The following LHPP variants were observed in gnomAD, a reference collection of about 807,000 sequenced individuals.
LHPP encodes the protein hLHPP.
In LHPP, 24 loss-of-function variants were observed where a neutral mutation model predicts 30.3. The ratio of observed to expected loss-of-function variants is 0.79; its 90% CI spans 0.57 to 1.11. The LOEUF is 1.11. Among genes scored for constraint, LHPP ranks in the 50% most tolerant of loss-of-function variants. The pLI is 0.00. For synonymous variants in LHPP, 150 were observed against 157.1 expected (o/e 0.95, Z 0.34); for missense variants, 356 against 367.2 (o/e 0.97, Z 0.25).
intron 1 of LHPP, among the ~76,000 whole-genome samples, chr10:124,475,847 C>G (rs555323123): frequency 2.0e-5 from 3 of 152,196 alleles, no homozygotes; most frequent in Non-Finnish European, 4.4e-5. Context: ...CCACATGCCA[C>G]GAGGCATTTC....
At position 124,510,411 on chromosome 10, in the gene LHPP, G is replaced by A. The variant is rs184689136; in HGVS notation, c.625-6769G>A. 2.6e-5 allele frequency among the ~76,000 whole-genome samples: 4 copies of A among 152,062 alleles called. No individual in the cohort carries two copies. Among genetic ancestry groups the A allele is most frequent in the East Asian group, 3.9e-4 (2 of 5,134 alleles). On this transcript the variant is annotated intron_variant, in intron 5 of 6. Transcript: ENST00000368842. The surrounding 1 kb of genome is among the most constrained non-coding windows in gnomAD (Gnocchi z 4.0). ...TGCACCCAGCCGGCCCTGGCGTCCC[G>A]GCCCCCAGCCTCCGCCTCCCTCGCC...
chr10:124,563,316 T>TTTC (rs1463264927), intron 6 of LHPP, among the ~76,000 whole-genome samples: 1 of 150,116 alleles, frequency 6.7e-6, no homozygotes, highest in African/African-American at 2.4e-5. Context: ...TCTTTTTCTT[T>TTTC]TTTTTTTTTT....
chr10:124,536,077 G>A (rs574251569), intron 6 of LHPP, among the ~76,000 whole-genome samples: 50 of 152,384 alleles, frequency 3.3e-4, no homozygotes, highest in African/African-American at 1.0e-3. Context: ...TGTTACAGAC[G>A]CGGAAGCCGG....
intron 6 of LHPP, among the ~76,000 whole-genome samples, chr10:124,528,027 C>G (rs1048734233): frequency 5.5e-5 from 6 of 109,804 alleles, no homozygotes; most frequent in African/African-American, 2.3e-4. Flanking sequence ...CCTTGGCCTC[C>G]CAAAGTGCTG....
chr10:124,572,647 T>TAAGAAAGGCAAGAAAGGA (rs144204647), intron 6 of LHPP, among the ~76,000 whole-genome samples: 45,819 of 146,126 alleles, frequency 0.31, 7,284 homozygotes, highest in South Asian at 0.4. Flanking sequence ...AGAAAGAAAG[T>TAAGAAAGGCAAGAAAGGA]AAGAAAGGAA....
At chr10:124,600,288 T>C (rs1403569867) in intron 6 of LHPP, among the ~76,000 whole-genome samples, 2 of 152,254 alleles carry the variant, frequency 1.3e-5, no homozygotes, top group Non-Finnish European at 2.9e-5. Flanking sequence ...TTTCTGTTAC[T>C]GGCACCTGCA....
At position 124,542,916 on chromosome 10, in the gene LHPP, G is replaced by A. The variant is rs145938085; in HGVS notation, c.716+25645G>A. ...TGCACATCTAGGCCCCGTCACGGTCGTTCTCCCCGGTCCCTGCCTGCCCAT... is the reference window on the plus strand; with the variant it reads ...TGCACATCTAGGCCCCGTCACGGTCATTCTCCCCGGTCCCTGCCTGCCCAT... On this transcript the variant is annotated intron_variant, in intron 6 of 6. Coordinates refer to ENST00000368842, the MANE Select transcript of LHPP (RefSeq NM_022126.4). Among the ~76,000 whole-genome samples, 518 of 152,292 alleles carry A rather than the reference G, an allele frequency of 3.4e-3. 2 individuals carry two copies. Among genetic ancestry groups the A allele is most frequent in the African/African-American group, 0.011 (471 of 41,556 alleles).
intron 6 of LHPP, among the ~76,000 whole-genome samples, chr10:124,598,984 T>C (rs1564847361): frequency 6.9e-6 from 1 of 145,442 alleles, no homozygotes; most frequent in South Asian, 2.2e-4. Flanking sequence ...TCCATCTCCA[T>C]CTATCCATCT....
chr10:124,600,993 C>T (rs1043812334), intron 6 of LHPP, among the ~76,000 whole-genome samples: 4 of 152,144 alleles, frequency 2.6e-5, no homozygotes, highest in Non-Finnish European at 4.4e-5. Flanking sequence ...ACACAGTTAC[C>T]GTGGAGTGCA....
At chr10:124,551,025 C>T (rs567540366) in intron 6 of LHPP, among the ~76,000 whole-genome samples, 5 of 152,208 alleles carry the variant, frequency 3.3e-5, no homozygotes, top group East Asian at 1.9e-4. Context: ...TCGGTCTCTG[C>T]GTGCCTGTTT....
In LHPP at chr10:124,594,658, T is replaced by G. The variant is rs144057102; in HGVS notation, c.717-18606T>G. Among the ~76,000 whole-genome samples, 570 of 150,304 alleles carry G rather than the reference T, an allele frequency of 3.8e-3. 4 individuals are homozygous for G. Among genetic ancestry groups the G allele is most frequent in the African/African-American group, 0.013 (548 of 40,848 alleles). Reference sequence around the variant, plus strand: ...TTTTTTTTTTTAATTTGAGATGGAGTCTCACTCTGTCACCCAGGCTGGAAT... The same window carrying G: ...TTTTTTTTTTTAATTTGAGATGGAGGCTCACTCTGTCACCCAGGCTGGAAT... On this transcript the variant is annotated intron_variant, in intron 6 of 6. Coordinates refer to ENST00000368842, the MANE Select transcript of LHPP (RefSeq NM_022126.4).
At chr10:124,500,302 G>A (rs537624095) in intron 5 of LHPP, among the ~76,000 whole-genome samples, 10 of 151,346 alleles carry the variant, frequency 6.6e-5, no homozygotes, top group Non-Finnish European at 1.5e-4. Context: ...GTGAAACCCC[G>A]TCTCTACTAA....
chr10:124,486,840 C>T (rs892387196), intron 2 of LHPP, among the ~76,000 whole-genome samples: 8 of 152,206 alleles, frequency 5.3e-5, no homozygotes, highest in African/African-American at 1.4e-4. Flanking sequence ...GAGCAGGGCC[C>T]GAGGCCTTGA....
chr10:124,500,658 C>A (rs949672957), intron 5 of LHPP, among the ~76,000 whole-genome samples: 1 of 151,674 alleles, frequency 6.6e-6, no homozygotes, highest in African/African-American at 2.4e-5. Context: ...TACTCAATAT[C>A]ATCATTCATC....
intron 6 of LHPP, among the ~76,000 whole-genome samples, chr10:124,563,726 C>T (rs1673951308): frequency 6.6e-6 from 1 of 152,134 alleles, no homozygotes. Context: ...TTTACTAAAG[C>T]AACAATTGAA....
chr10:124,528,548 G>A (rs12220596), intron 6 of LHPP, among the ~76,000 whole-genome samples: 17,761 of 151,996 alleles, frequency 0.12, 1,376 homozygotes, highest in South Asian at 0.35. Context: ...CACTAGAGAC[G>A]GGGTTTCGCC....
chr10:124,603,266 C>G (rs2134013816), intron 6 of LHPP, among the ~76,000 whole-genome samples: 1 of 152,288 alleles, frequency 6.6e-6, no homozygotes, highest in Non-Finnish European at 1.5e-5. Flanking sequence ...GGGTGCACAG[C>G]TTTCTCATCC....
intron 6 of LHPP, among the ~76,000 whole-genome samples, chr10:124,524,786 G>A (rs1954692750): frequency 6.6e-6 from 1 of 152,126 alleles, no homozygotes; most frequent in Admixed American, 6.5e-5. Flanking sequence ...AGTGAGCTGT[G>A]ATCATACCAC....
intron 6 of LHPP, among the ~76,000 whole-genome samples, chr10:124,583,836 A>G (rs532154752): frequency 5.8e-4 from 88 of 152,290 alleles, no homozygotes; most frequent in African/African-American, 1.9e-3. Flanking sequence ...CAAATATTCA[A>G]ACTAAAGCAA....
Sources: gnomAD v4.1 joint callset for allele counts (sites outside exome capture counted in the v4.1 genomes callset) on GRCh38, gnomAD v4.1.1 for gene constraint, Gnocchi (gnomAD v3.1) non-coding constraint, MANE v1.5 for transcripts, NCBI Gene and HGNC (gene_info 2026-07-23, HGNC 2026-07-21) for gene names.